The following BCAS3 variants were observed in gnomAD, a reference collection of about 807,000 sequenced individuals.
BCAS3 encodes BCAS4/BCAS3 fusion.
In BCAS3, 53 loss-of-function variants were observed where a neutral mutation model predicts 116.1. That is an observed-to-expected ratio of 0.46 (90% CI 0.37 to 0.57). BCAS3 has a LOEUF of 0.57. Among genes scored for constraint, BCAS3 ranks in the 20% least tolerant of loss-of-function variants. The probability of loss-of-function intolerance (pLI) is 0.00; values close to 1 mark genes in which losing one functional copy is unlikely to be tolerated. For synonymous variants in BCAS3, 391 were observed against 408.2 expected (o/e 0.96, Z 0.51); for missense variants, 917 against 1,165.4 (o/e 0.79, Z 3.10).
chr17:61,345,818 A>C (rs1455281155), intron 22 of BCAS3, among the ~76,000 whole-genome samples: 1 of 152,184 alleles, frequency 6.6e-6, no homozygotes, highest in East Asian at 1.9e-4. Context: ...GGAGGACTCC[A>C]GGGGCAAGCA....
intron 22 of BCAS3, among the ~76,000 whole-genome samples, chr17:61,091,611 A>G (rs1231262410): frequency 1.3e-5 from 2 of 152,224 alleles, no homozygotes; most frequent in African/African-American, 4.8e-5. Context: ...CAATTAAAGA[A>G]CAGCTTGGGA....
rs1235866295 is a variant in BCAS3 at position 61,037,848 on chromosome 17, A to G, written c.1763-41A>G. 1 of 1,568,444 alleles carries G rather than the reference A, an allele frequency of 6.4e-7. No homozygotes were observed. The highest frequency in any genetic ancestry group is 1.7e-5 in the Admixed American group (1 of 58,524). On this transcript the variant is annotated intron_variant, in intron 17 of 23. Coordinates refer to ENST00000407086, the MANE Select transcript of BCAS3 (RefSeq NM_017679.5). The surrounding 1 kb of genome is among the most constrained non-coding windows in gnomAD (Gnocchi z 4.7). ...GTAAAAATTATTCTGTGCTCCATTT[A>G]TGCCATCATAACACATCGGGTTCTG...
rs1437296842 is a variant in BCAS3, at chr17:61,049,736, T to C, written c.2029+8844T>C. Reference sequence around the variant, plus strand: ...TTTTCTTTTCTTTTCTTTTCTTTTTTTTTTTTTTTTTTTGAGACGGAGTTT... The same window carrying C: ...TTTTCTTTTCTTTTCTTTTCTTTTTCTTTTTTTTTTTTTGAGACGGAGTTT... On this transcript the variant is annotated intron_variant, in intron 19 of 23. Coordinates refer to ENST00000407086, the MANE Select transcript of BCAS3 (RefSeq NM_017679.5). Among the ~76,000 whole-genome samples the C allele has an allele frequency of 1.5e-3, 218 of 146,538 alleles. 1 individual carries two copies. The highest frequency in any genetic ancestry group is 4.7e-3 in the African/African-American group (188 of 39,984).
chr17:61,287,292 T>G (rs2051914046), intron 22 of BCAS3, among the ~76,000 whole-genome samples: 1 of 149,862 alleles, frequency 6.7e-6, no homozygotes, highest in Non-Finnish European at 1.5e-5. Flanking sequence ...TCTATAGAGA[T>G]AAATGAGAAC....
In BCAS3 at chr17:61,171,329, T is replaced by C. The variant is rs1223137907; in HGVS notation, c.2425+86765T>C. On this transcript the variant is annotated intron_variant, in intron 22 of 23. Coordinates refer to ENST00000407086, the MANE Select transcript of BCAS3 (RefSeq NM_017679.5). The surrounding 1 kb of genome is among the most constrained non-coding windows in gnomAD (Gnocchi z 4.1). ...TGAGATAAAAATGGCATCCTAAAAA[T>C]ATTCAGTAGATCCAAAACAACACAT... is the stretch of plus-strand genomic sequence containing the variant. 1.3e-5 allele frequency among the ~76,000 whole-genome samples: 2 copies of C among 151,246 alleles called. No homozygotes were observed. The highest frequency in any genetic ancestry group is 2.9e-5 in the Non-Finnish European group (2 of 67,860).
At position 61,324,277 on chromosome 17, in the gene BCAS3, T is replaced by C. The variant is rs2055552405; in HGVS notation, c.2426-44050T>C. 6.6e-6 allele frequency among the ~76,000 whole-genome samples: 1 copy of C among 152,074 alleles called. No individual in the cohort carries two copies. The highest frequency in any genetic ancestry group is 6.5e-5 in the Admixed American group (1 of 15,268). On this transcript the variant is annotated intron_variant, in intron 22 of 23. Coordinates refer to ENST00000407086, the MANE Select transcript of BCAS3 (RefSeq NM_017679.5). This position sits in a 1 kb window ranked among gnomAD's most constrained non-coding sequence, Gnocchi z 4.6. ...GACCCTACCTCCTTTATCATACACA[T>C]TGATGAAACTGAAGCCTAGAGCTAA...
chr17:60,854,099 G>A (rs1363173383), intron 7 of BCAS3, among the ~76,000 whole-genome samples: 1 of 151,116 alleles, frequency 6.6e-6, no homozygotes, highest in Non-Finnish European at 1.5e-5. Context: ...CCCTTCCTGT[G>A]TCCAAGTGTT....
At chr17:61,236,470 C>A (rs2083068041) in intron 22 of BCAS3, among the ~76,000 whole-genome samples, 1 of 152,124 alleles carries the variant, frequency 6.6e-6, no homozygotes, top group African/African-American at 2.4e-5. Flanking sequence ...TAGGCACCCG[C>A]CACCATGCCT....
rs977593257 is a variant in BCAS3, at chr17:61,344,957, C to G, written c.2426-23370C>G. On this transcript the variant is annotated intron_variant, in intron 22 of 23. Transcript: ENST00000407086. The surrounding 1 kb of genome is among the most constrained non-coding windows in gnomAD (Gnocchi z 4.1). ...CATACACACACACACACGCACACCCCTCACAGAAAAATAGCCACTCTGTCC... is the reference window on the plus strand; with the variant it reads ...CATACACACACACACACGCACACCCGTCACAGAAAAATAGCCACTCTGTCC... Among the ~76,000 whole-genome samples, 3 of 152,072 alleles carry G rather than the reference C, an allele frequency of 2.0e-5. No individual in the cohort carries two copies. The highest frequency in any genetic ancestry group is 4.4e-5 in the Non-Finnish European group (3 of 68,004).
intron 13 of BCAS3, among the ~76,000 whole-genome samples, chr17:60,945,580 C>A (rs2060442927): frequency 6.6e-6 from 1 of 151,652 alleles, no homozygotes; most frequent in East Asian, 1.9e-4. Context: ...GTAGGCGGAT[C>A]TCTTGAGACC....
intron 5 of BCAS3, among the ~76,000 whole-genome samples, chr17:60,712,937 G>A (rs1416334092): frequency 1.3e-5 from 2 of 152,160 alleles, no homozygotes; most frequent in African/African-American, 4.8e-5. Context: ...TGGGAAGTGG[G>A]ACCTGAGCAG....
chr17:61,049,684 C>A (rs2068660517), intron 19 of BCAS3, among the ~76,000 whole-genome samples: 4 of 150,494 alleles, frequency 2.7e-5, no homozygotes, highest in Admixed American at 2.6e-4. Flanking sequence ...TGTTACACAC[C>A]AAGGAGCAAA....
At chr17:61,135,680 A>G (rs1601505121) in intron 22 of BCAS3, among the ~76,000 whole-genome samples, 3 of 152,188 alleles carry the variant, frequency 2.0e-5, no homozygotes, top group African/African-American at 7.2e-5. Flanking sequence ...TTTAAATGGG[A>G]GGAAAAACAT....
chr17:61,126,541 AAGATGTGTTTATAT>A lies in BCAS3; in HGVS notation c.2425+41980_2425+41993del, dbSNP rs1307685655. ...ACCCAAGGATTATGTCTGTTTTATAAAGATGTGTTTATATAGTCATTGGGTGAAAGATTGCAGAA... is the reference window on the plus strand; with the variant it reads ...ACCCAAGGATTATGTCTGTTTTATAAAGTCATTGGGTGAAAGATTGCAGAA... On this transcript the variant is annotated intron_variant, in intron 22 of 23. Transcript: ENST00000407086. This position sits in a 1 kb window ranked among gnomAD's most constrained non-coding sequence, Gnocchi z 4.6. Among the ~76,000 whole-genome samples the A allele has an allele frequency of 6.6e-6, 1 of 152,164 alleles. No homozygotes were observed. Among genetic ancestry groups the A allele is most frequent in the Non-Finnish European group, 1.5e-5 (1 of 68,020 alleles).
In BCAS3 at chr17:61,045,143, A is replaced by G. The variant is rs190630283; in HGVS notation, c.2029+4251A>G. 1.5e-3 allele frequency among the ~76,000 whole-genome samples: 222 copies of G among 152,140 alleles called. 1 individual carries two copies. The highest frequency in any genetic ancestry group is 4.6e-3 in the African/African-American group (191 of 41,548). On this transcript the variant is annotated intron_variant, in intron 19 of 23. Coordinates refer to ENST00000407086, the MANE Select transcript of BCAS3 (RefSeq NM_017679.5). ...CTTTTGTTTCTTACCTCAGAAGAAT[A>G]TATTTTCAAATGATAGACTTCTGGG... is the stretch of plus-strand genomic sequence containing the variant.
chr17:60,740,519 A>T (rs1441426241), intron 5 of BCAS3, among the ~76,000 whole-genome samples: 2 of 151,528 alleles, frequency 1.3e-5, no homozygotes, highest in Non-Finnish European at 2.9e-5. Flanking sequence ...AAAAAAAGAA[A>T]AAAGAAAAAA....
intron 19 of BCAS3, among the ~76,000 whole-genome samples, chr17:61,060,272 G>A (rs1490501688): frequency 3.3e-5 from 5 of 150,700 alleles, no homozygotes; most frequent in Middle Eastern, 3.4e-3. Context: ...GACTACAGGC[G>A]CCCACCACCA....
At chr17:60,757,432 G>GTA (rs1248192628) in intron 6 of BCAS3, among the ~76,000 whole-genome samples, 2 of 151,224 alleles carry the variant, frequency 1.3e-5, no homozygotes, top group Non-Finnish European at 1.5e-5. Context: ...GTGTGTGTGT[G>GTA]TGTGTTTTCT....
intron 10 of BCAS3, among the ~76,000 whole-genome samples, chr17:60,893,915 T>A (rs919420096): frequency 6.6e-6 from 1 of 152,126 alleles, no homozygotes; most frequent in African/African-American, 2.4e-5. Flanking sequence ...AGCCTATGTG[T>A]CTACTTTTGT....
Sources: allele counts gnomAD v4.1 joint callset (sites outside exome capture counted in the v4.1 genomes callset), GRCh38; gene constraint gnomAD v4.1.1; non-coding constraint Gnocchi (gnomAD v3.1); transcripts MANE v1.5; gene names NCBI Gene and HGNC (gene_info 2026-07-23, HGNC 2026-07-21).